P3H3: variants seen among roughly 807,000 people sequenced by gnomAD.
The protein encoded by P3H3 is gene rich cluster, B.
In P3H3, 64 loss-of-function variants were observed where a neutral mutation model predicts 78.1. The observed-to-expected ratio is 0.82, with a 90% CI of 0.67 to 1.01. The LOEUF (loss-of-function observed/expected upper bound fraction) is 1.01. P3H3 is among the 50% of genes least tolerant of loss of function. P3H3 has a pLI of 0.00. For missense variants in P3H3, 975 were observed against 982.2 expected (o/e 0.99, Z 0.10); for synonymous variants, 425 against 416.7 (o/e 1.02, Z -0.24).
chr12:6,832,468 T>G (rs1254508226), intron 6 of P3H3, among the ~76,000 whole-genome samples: 1 of 152,152 alleles, frequency 6.6e-6, no homozygotes, highest in Non-Finnish European at 1.5e-5. Flanking sequence ...CCAGTAGAGA[T>G]CAATAGCACA....
intron 4 of P3H3, 43 bp downstream of exon 4, chr12:6,830,813 C>T (rs782237697): frequency 3.1e-6 from 5 of 1,612,678 alleles, no homozygotes; most frequent in Non-Finnish European, 3.4e-6. Flanking sequence ...AGATTTGCCT[C>T]TGCTGCTATC....
chr12:6,829,510 T>G lies in P3H3; in HGVS notation c.499-349T>G. 1 of 334,914 alleles carries G rather than the reference T, an allele frequency of 3.0e-6. No individual in the cohort carries two copies. Among genetic ancestry groups the G allele is most frequent in the South Asian group, 2.8e-5 (1 of 35,630 alleles). The allele number at this position is 334,914 out of a possible 1,614,324, so 20.7% of individuals were successfully genotyped here. Reference sequence around the variant, plus strand: ...ACCTCAGCTCAGGGTCCTAGAGACCTGCGGGTTTTGCTGGTCGCTGAGGTC... The same window carrying G: ...ACCTCAGCTCAGGGTCCTAGAGACCGGCGGGTTTTGCTGGTCGCTGAGGTC... On this transcript the variant is annotated intron_variant, in intron 1 of 14. Coordinates refer to ENST00000290510, the MANE Select transcript of P3H3 (RefSeq NM_014262.5). This position sits in a 1 kb window ranked among gnomAD's most constrained non-coding sequence, Gnocchi z 5.1.
chr12:6,829,160 C>A lies in P3H3; in HGVS notation c.498+222C>A, dbSNP rs1555120935. On this transcript the variant is annotated intron_variant, in intron 1 of 14. Transcript: ENST00000290510. This position sits in a 1 kb window ranked among gnomAD's most constrained non-coding sequence, Gnocchi z 5.1. ...GAGTGCGAGCAGAATGGGAATGGGGCGGGGAGGTCGTGAGGTGGGACGGGA... is the reference window on the plus strand; with the variant it reads ...GAGTGCGAGCAGAATGGGAATGGGGAGGGGAGGTCGTGAGGTGGGACGGGA... 2.0e-5 allele frequency: 8 copies of A among 391,454 alleles called. No homozygotes were observed. The highest frequency in any genetic ancestry group is 1.8e-5 in the Non-Finnish European group (4 of 222,274). The allele number at this position is 391,454 out of a possible 1,614,324, so 24.2% of individuals were successfully genotyped here.
Position 6,837,509 on chromosome 12 carries a change from C to T in P3H3, c.1647C>T (p.Tyr549=), listed in dbSNP as rs1555122347. 20 of 1,611,958 alleles carry T rather than the reference C, an allele frequency of 1.2e-5. No individual in the cohort carries two copies. The highest frequency in any genetic ancestry group is 1.7e-4 in the Middle Eastern group (1 of 6,060). ...SERVRTLTQA[Y]FSPERPLHLS... is the part of the protein sequence containing the mutation. ...GGGTGCGGACCTTGACCCAGGCCTA[C>T]TTCTCCCCGGAACGGCCCCTGCATC... The change falls in exon 11 of 15, where the codon TAC becomes TAT. Residue 549 remains tyrosine (Y), a synonymous_variant. Transcript: ENST00000290510.
rs199565267 is a variant in P3H3, at chr12:6,837,028, G to T, written c.1502G>T (p.Arg501Leu). 2.5e-6 allele frequency: 4 copies of T among 1,609,020 alleles called. No individual in the cohort carries two copies. Among genetic ancestry groups the T allele is most frequent in the Non-Finnish European group, 3.4e-6 (4 of 1,179,810 alleles). ...GCCAGGTCTGGCTATCGTGGTCGCC[G>T]CTCCCCTCACACCCCCCATGAACGC... ...AGARSGYRGR[R>L]SPHTPHERFE... Residue 501 changes from arginine (R) to leucine (L), a missense_variant, in exon 10 of 15, where the codon CGC (arginine) becomes CTC (leucine). Physicochemically the swap from Arg to Leu is moderately radical, Grantham distance 102 (BLOSUM62 -2). Transcript: ENST00000290510.
Position 6,829,868 on chromosome 12 carries a change from C to T in P3H3, c.508C>T (p.Leu170=), listed in dbSNP as rs782586789. 1.2e-6 allele frequency: 2 copies of T among 1,613,976 alleles called. No individual in the cohort carries two copies. The highest frequency in any genetic ancestry group is 1.7e-6 in the Non-Finnish European group (2 of 1,179,878). The part of the protein sequence containing the change: ...LQRAYYQLKK[L]DLAAAAAHTF... ...CCCTTCGCCTCCTCAGTTGAAGAAG[C>T]TGGATCTGGCAGCTGCGGCAGCACA... The change falls in exon 2 of 15, where the codon CTG becomes TTG. Residue 170 remains leucine, a synonymous_variant. Coordinates refer to ENST00000290510, the MANE Select transcript of P3H3 (RefSeq NM_014262.5). The surrounding 1 kb of genome is among the most constrained non-coding windows in gnomAD (Gnocchi z 5.1).
chr12:6,831,045 C>T lies in P3H3; in HGVS notation c.986-171C>T, dbSNP rs1336600925. 1.1e-6 allele frequency: 1 copy of T among 921,782 alleles called. No homozygotes were observed. The highest frequency in any genetic ancestry group is 1.3e-5 in the South Asian group (1 of 75,428). 57.1% of individuals were successfully genotyped at this position (921,782 alleles called of 1,614,324 possible). ...ACTCTCCAGCTAAGGTATGTTTGCA[C>T]CAGTGTTTGAAAGAACCGGCAGCTG... On this transcript the variant is annotated intron_variant, in intron 4 of 14. Transcript: ENST00000290510. The surrounding 1 kb of genome is among the most constrained non-coding windows in gnomAD (Gnocchi z 4.6).
Position 6,828,815 on chromosome 12 carries a change from G to GA in P3H3, c.376dup (p.Thr126AsnfsTer71), listed in dbSNP as rs1943412432. 8.1e-7 allele frequency: 1 copy of GA among 1,237,638 alleles called. No individual in the cohort carries two copies. The highest frequency in any genetic ancestry group is 1.0e-6 in the Non-Finnish European group (1 of 990,574). 76.7% of individuals were successfully genotyped at this position (1,237,638 alleles called of 1,614,324 possible). A position where few individuals can be genotyped will look rare whatever the true frequency, so the allele number is the denominator to read the frequency against. On this transcript the variant is annotated frameshift_variant, in exon 1 of 15. Transcript: ENST00000290510. LOFTEE classifies it high-confidence loss of function. Reference sequence around the variant, plus strand: ...CAGCGCTCCGCCGCGCAGACTGCCTGACCCAGTGCGCAGCACGGAGGCTGG... The same window carrying GA: ...CAGCGCTCCGCCGCGCAGACTGCCTGAACCCAGTGCGCAGCACGGAGGCTGG...
rs781900346 is a variant in P3H3 at position 6,830,773 on chromosome 12, C to T, written c.985+3C>T. ...GCTACATGAGGCCCATGCTCAGGGTCAGTTGGGGAAGGGTGGAAACGGGGA... is the reference window on the plus strand; with the variant it reads ...GCTACATGAGGCCCATGCTCAGGGTTAGTTGGGGAAGGGTGGAAACGGGGA... On this transcript the variant is annotated splice_donor_region_variant and intron_variant, in intron 4 of 14. Transcript: ENST00000290510. The T allele has an allele frequency of 1.2e-6, 2 of 1,613,934 alleles. No individual in the cohort carries two copies. Among genetic ancestry groups the T allele is most frequent in the African/African-American group, 1.3e-5 (1 of 75,032 alleles).
In P3H3 at chr12:6,829,010, G is replaced by A; in HGVS notation, c.498+72G>A. On this transcript the variant is annotated intron_variant, in intron 1 of 14. Coordinates refer to ENST00000290510, the MANE Select transcript of P3H3 (RefSeq NM_014262.5). This position sits in a 1 kb window ranked among gnomAD's most constrained non-coding sequence, Gnocchi z 5.1. The stretch of plus-strand genomic sequence containing the variant: ...ACGCTGTCCTACTTTGCGTTGCCCA[G>A]GAGTAGGCGGAATGCTGTTGCCCGG... The A allele has an allele frequency of 1.1e-6, 1 of 908,290 alleles. No individual in the cohort carries two copies. The highest frequency in any genetic ancestry group is 1.4e-6 in the Non-Finnish European group (1 of 692,326). The allele number at this position is 908,290 out of a possible 1,614,324, so 56.3% of individuals were successfully genotyped here. A position where few individuals can be genotyped will look rare whatever the true frequency, so the allele number is the denominator to read the frequency against.
intron 6 of P3H3, among the ~76,000 whole-genome samples, chr12:6,832,838 G>A (rs868945923): frequency 2.5e-5 from 2 of 78,820 alleles, no homozygotes; most frequent in South Asian, 5.3e-4. Context: ...CTGACTTCAG[G>A]TGATCCACCC....
rs375824452 is a variant in P3H3, at chr12:6,836,944, G to C, written c.1459-41G>C. 104 of 1,483,048 alleles carry C rather than the reference G, an allele frequency of 7.0e-5. No individual in the cohort carries two copies. In the African/African-American group the frequency reaches 1.1e-3, roughly 15 times the overall value. 91.9% of individuals were successfully genotyped at this position (1,483,048 alleles called of 1,614,324 possible). ...TCTTGCAGCCCTGCAGACAGTGAGG[G>C]GCTGGGGGAGTGACTCCACGGTAAA... is the stretch of plus-strand genomic sequence containing the variant. On this transcript the variant is annotated intron_variant, in intron 9 of 14. Transcript: ENST00000290510.
At chr12:6,833,682 GCTGGGAGGCTGGGTCTGGACTGTC>G (rs1943470075) in intron 7 of P3H3, 36 bp from the exon 8 acceptor site, 1 of 1,606,704 alleles carries the variant, frequency 6.2e-7, no homozygotes, top group African/African-American at 1.3e-5. Context: ...CTTGGCCCGA[GCTGGGAGGCTGGGTCTGGACTGTC>G]CTGGGCACCC....
chr12:6,838,388 G>A (rs928856353), intron 13 of P3H3, among the ~76,000 whole-genome samples: 1 of 152,304 alleles, frequency 6.6e-6, no homozygotes. Flanking sequence ...GGGCCGCCTT[G>A]ACTGGGGCTC....
chr12:6,830,133 C>A, intron 2 of P3H3, 122 bp downstream of exon 2: 1 of 1,309,064 alleles, frequency 7.6e-7, no homozygotes. Flanking sequence ...CCTCAGCGAC[C>A]CTGGCTGGGA....
chr12:6,831,236 A>G lies in P3H3; in HGVS notation c.1006A>G (p.Ile336Val), dbSNP rs782093767. ...HAQVGNLSQAIENVLSVLLFY... is the reference protein window; with the variant it reads ...HAQVGNLSQAVENVLSVLLFY... Reference sequence around the variant, plus strand: ...TCCAGTGGGCAATCTGTCCCAGGCTATAGAAAATGTCCTGAGTGTCCTGCT... The same window carrying G: ...TCCAGTGGGCAATCTGTCCCAGGCTGTAGAAAATGTCCTGAGTGTCCTGCT... The change falls in exon 5 of 15, where the codon ATA (isoleucine) becomes GTA (valine). Residue 336 changes from isoleucine to valine, a missense_variant. Ile to Val is a conservative substitution (Grantham distance 29, BLOSUM62 3). Coordinates refer to ENST00000290510, the MANE Select transcript of P3H3 (RefSeq NM_014262.5). This position sits in a 1 kb window ranked among gnomAD's most constrained non-coding sequence, Gnocchi z 4.6. 9.9e-6 allele frequency: 16 copies of G among 1,613,550 alleles called. No homozygotes were observed. Among genetic ancestry groups the G allele is most frequent in the African/African-American group, 1.3e-5 (1 of 74,866 alleles).
In P3H3 at chr12:6,839,441, CG is replaced by C; in HGVS notation, c.2194del (p.Val732PhefsTer18). On this transcript the variant is annotated frameshift_variant, in exon 15 of 15. Coordinates refer to ENST00000290510, the MANE Select transcript of P3H3 (RefSeq NM_014262.5). LOFTEE classifies it high-confidence loss of function. ...CCAAGACAAGACTGGAAGGGCACCTCGGGTTCGGGAGGAGCTGTGAGTGGCT... is the reference window on the plus strand; with the variant it reads ...CCAAGACAAGACTGGAAGGGCACCTCGGTTCGGGAGGAGCTGTGAGTGGCT... ...RVQDKTGRAPRVREEL is the reference protein window; with the variant it reads ...RVQDKTGRAPXVREEL 6.4e-7 allele frequency: 1 copy of C among 1,551,418 alleles called. No homozygotes were observed. Among genetic ancestry groups the C allele is most frequent in the Non-Finnish European group, 8.7e-7 (1 of 1,146,960 alleles).
At chr12:6,839,176 G>A in intron 14 of P3H3, 36 bp downstream of exon 14, 1 of 1,579,568 alleles carries the variant, frequency 6.3e-7, no homozygotes, top group Middle Eastern at 1.7e-4. Flanking sequence ...TGGTTCTCCT[G>A]GTGCGTGAAG....
At chr12:6,837,617 TG>T (rs1434475644) in intron 11 of P3H3, 44 bp downstream of exon 11, 6 of 1,598,338 alleles carry the variant, frequency 3.8e-6, no homozygotes, top group Non-Finnish European at 5.1e-6. Flanking sequence ...CCTCAGGCCC[TG>T]CCCCCAGGAC....
Sources: gnomAD v4.1 joint callset for allele counts (sites outside exome capture counted in the v4.1 genomes callset) on GRCh38, gnomAD v4.1.1 for gene constraint, Gnocchi (gnomAD v3.1) non-coding constraint, MANE v1.5 for transcripts, NCBI Gene and HGNC (gene_info 2026-07-23, HGNC 2026-07-21) for gene names.